The following RAPGEF1 variants were observed in gnomAD, a reference collection of about 807,000 sequenced individuals.
RAPGEF1 encodes CRK SH3-binding GNRP.
A neutral mutation model predicts 143.3 loss-of-function variants in RAPGEF1; 33 were observed. The observed-to-expected ratio is 0.23, with a 90% CI of 0.17 to 0.31. The LOEUF (loss-of-function observed/expected upper bound fraction) is 0.31, where lower values mean the gene tolerates loss of function less well. Ranked by LOEUF, RAPGEF1 falls within the 10% of genes least tolerant of loss-of-function variation. The pLI is 1.00. For synonymous variants in RAPGEF1, 629 were observed against 676.5 expected (o/e 0.93, Z 1.09); for missense variants, 1,199 against 1,645.4 (o/e 0.73, Z 4.69).
At chr9:131,586,695 AACAC>A (rs1173427950) in intron 22 of RAPGEF1, among the ~76,000 whole-genome samples, 2 of 74,006 alleles carry the variant, frequency 2.7e-5, no homozygotes, top group East Asian at 4.1e-4. Context: ...CTCCGTCTCA[AACAC>A]ACACACACAC....
intron 5 of RAPGEF1, among the ~76,000 whole-genome samples, chr9:131,632,121 T>C (rs1052017928): frequency 2.0e-5 from 3 of 150,758 alleles, no homozygotes; most frequent in South Asian, 4.3e-4. Context: ...AGGTGAGAGA[T>C]TGAGACTCTC....
chr9:131,626,545 C>A, intron 9 of RAPGEF1, 123 bp from the exon 10 acceptor site: 4 of 935,018 alleles, frequency 4.3e-6, no homozygotes, highest in Non-Finnish European at 6.2e-6. Flanking sequence ...GTCTCCAGGG[C>A]TTATTTTATA....
At position 131,593,305 on chromosome 9, in the gene RAPGEF1, C is replaced by T. The variant is rs564812312; in HGVS notation, c.2690-1122G>A. 4.6e-5 allele frequency among the ~76,000 whole-genome samples: 7 copies of T among 152,320 alleles called. No homozygotes were observed. The South Asian group carries it at 1.2e-3, about 27-fold the overall frequency. ...GCCCTATTTATTTGCTGTGGTGACA[C>T]CTTCTCAACTGTGCTGTCTCTGATA... On this transcript the variant is annotated intron_variant, in intron 17 of 26. Coordinates refer to ENST00000683357, the MANE Select transcript of RAPGEF1 (RefSeq NM_001377935.1).
intron 16 of RAPGEF1, among the ~76,000 whole-genome samples, chr9:131,597,245 C>T (rs1236300660): frequency 2.6e-5 from 4 of 152,212 alleles, no homozygotes; most frequent in African/African-American, 9.6e-5. Context: ...CTCCTGACTC[C>T]AGAGGCCTGA....
At chr9:131,612,780 C>T (rs369453887) in intron 12 of RAPGEF1, among the ~76,000 whole-genome samples, 5 of 152,172 alleles carry the variant, frequency 3.3e-5, no homozygotes, top group Non-Finnish European at 5.9e-5. Flanking sequence ...ACAGGGGGAA[C>T]GCACTGCAGG....
At chr9:131,707,627 G>A (rs1835172630) in intron 1 of RAPGEF1, among the ~76,000 whole-genome samples, 1 of 152,162 alleles carries the variant, frequency 6.6e-6, no homozygotes, top group African/African-American at 2.4e-5. Flanking sequence ...TTTTAGTAGA[G>A]ATGGGGTTTT....
chr9:131,641,768 G>C lies in RAPGEF1; in HGVS notation c.494+1471C>G, dbSNP rs1389210301. Among the ~76,000 whole-genome samples, 2 of 152,226 alleles carry C rather than the reference G, an allele frequency of 1.3e-5. No individual in the cohort carries two copies. Among genetic ancestry groups the C allele is most frequent in the African/African-American group, 4.8e-5 (2 of 41,462 alleles). On this transcript the variant is annotated intron_variant, in intron 4 of 26. Coordinates refer to ENST00000683357, the MANE Select transcript of RAPGEF1 (RefSeq NM_001377935.1). This position sits in a 1 kb window ranked among gnomAD's most constrained non-coding sequence, Gnocchi z 4.6. Reference sequence around the variant, plus strand: ...GACTGACTCTGGGAAAGACAGTGAAGACAAGCATGCCCTGCCTCCTTCCCG... The same window carrying C: ...GACTGACTCTGGGAAAGACAGTGAACACAAGCATGCCCTGCCTCCTTCCCG...
chr9:131,625,396 A>C (rs1420212135), intron 10 of RAPGEF1, among the ~76,000 whole-genome samples: 1 of 152,194 alleles, frequency 6.6e-6, no homozygotes, highest in East Asian at 1.9e-4. Context: ...ATCATATATT[A>C]AAATGTCTGG....
intron 1 of RAPGEF1, among the ~76,000 whole-genome samples, chr9:131,730,718 A>AAAAAAAAAAG (rs1837011764): frequency 6.8e-6 from 1 of 147,530 alleles, no homozygotes; most frequent in South Asian, 2.2e-4. Context: ...AAAAAAAAAA[A>AAAAAAAAAAG]GAAGAAGAAC....
chr9:131,689,397 T>C (rs1833610295), intron 1 of RAPGEF1, among the ~76,000 whole-genome samples: 1 of 152,176 alleles, frequency 6.6e-6, no homozygotes, highest in Admixed American at 6.5e-5. Flanking sequence ...GGAATGGCAT[T>C]TCCTGAACTC....
In RAPGEF1 at chr9:131,604,929, A is replaced by G. The variant is rs1366653833; in HGVS notation, c.2319+2T>C. On this transcript the variant is annotated splice_donor_variant, in intron 13 of 26. Transcript: ENST00000683357. LOFTEE classifies it high-confidence loss of function. The stretch of plus-strand genomic sequence containing the variant: ...GTGTGTGTGTGCACGCTGAGTTCTC[A>G]CCGAGTCAGTGAAAGAGGTTTCGGA... 1 of 1,300,966 alleles carries G rather than the reference A, an allele frequency of 7.7e-7. No homozygotes were observed. Among genetic ancestry groups the G allele is most frequent in the South Asian group, 1.2e-5 (1 of 80,880 alleles). The allele number at this position is 1,300,966 out of a possible 1,614,324, so 80.6% of individuals were successfully genotyped here.
At chr9:131,731,618 T>G (rs1393297040) in intron 1 of RAPGEF1, among the ~76,000 whole-genome samples, 1 of 152,212 alleles carries the variant, frequency 6.6e-6, no homozygotes, top group Non-Finnish European at 1.5e-5. Flanking sequence ...GAATCGCATC[T>G]GTCAGGTCCA....
At chr9:131,601,821 C>A (rs1444951208) in intron 15 of RAPGEF1, among the ~76,000 whole-genome samples, 1 of 152,160 alleles carries the variant, frequency 6.6e-6, no homozygotes, top group Non-Finnish European at 1.5e-5. Flanking sequence ...GTGGGAGGAT[C>A]GCTTGAGCCC....
chr9:131,648,207 T>A (rs1251716852), intron 3 of RAPGEF1, among the ~76,000 whole-genome samples: 1 of 152,096 alleles, frequency 6.6e-6, no homozygotes, highest in Admixed American at 6.5e-5. Flanking sequence ...CTGGCCAACA[T>A]GGCAAAACCC....
At chr9:131,661,362 A>C (rs768395167) in intron 1 of RAPGEF1, among the ~76,000 whole-genome samples, 5 of 152,180 alleles carry the variant, frequency 3.3e-5, no homozygotes, top group African/African-American at 7.2e-5. Flanking sequence ...CATTTATATA[A>C]ATGCAAAAAC....
intron 3 of RAPGEF1, among the ~76,000 whole-genome samples, chr9:131,645,076 A>G (rs1230193844): frequency 6.6e-6 from 1 of 152,038 alleles, no homozygotes; most frequent in Non-Finnish European, 1.5e-5. Context: ...TTCTCTTTTC[A>G]CTACCTGACA....
At chr9:131,654,917 T>G (rs1004658338) in intron 1 of RAPGEF1, among the ~76,000 whole-genome samples, 9 of 152,168 alleles carry the variant, frequency 5.9e-5, no homozygotes, top group African/African-American at 2.2e-4. Context: ...AACAAAACAC[T>G]GTCCTACGCA....
chr9:131,587,065 A>AACAC (rs748456950), intron 22 of RAPGEF1, among the ~76,000 whole-genome samples: 27 of 41,890 alleles, frequency 6.4e-4, no homozygotes, highest in African/African-American at 3.1e-3. Context: ...CTCCGTCTCA[A>AACAC]ACACACACAC....
Position 131,641,331 on chromosome 9 carries a change from G to A in RAPGEF1, c.494+1908C>T, listed in dbSNP as rs551235737. Among the ~76,000 whole-genome samples the A allele has an allele frequency of 1.3e-5, 2 of 152,192 alleles. No homozygotes were observed. Among genetic ancestry groups the A allele is most frequent in the African/African-American group, 2.4e-5 (1 of 41,524 alleles). On this transcript the variant is annotated intron_variant, in intron 4 of 26. Coordinates refer to ENST00000683357, the MANE Select transcript of RAPGEF1 (RefSeq NM_001377935.1). This position sits in a 1 kb window ranked among gnomAD's most constrained non-coding sequence, Gnocchi z 4.6. ...ATATACCCTCTGCCCATGACTGCCC[G>A]AGTCGCCGCCCTCCCCTCCCCGGGA... is the stretch of plus-strand genomic sequence containing the variant.
Sources: gnomAD v4.1 joint callset for allele counts (sites outside exome capture counted in the v4.1 genomes callset) on GRCh38, gnomAD v4.1.1 for gene constraint, Gnocchi (gnomAD v3.1) non-coding constraint, MANE v1.5 for transcripts, NCBI Gene and HGNC (gene_info 2026-07-23, HGNC 2026-07-21) for gene names.